The following RANBP2 variants were observed in gnomAD, a reference collection of about 807,000 sequenced individuals.
RANBP2 encodes the protein RAN binding protein 2.
Under a neutral mutation model 303.6 loss-of-function variants are expected in RANBP2, and 57 were observed. That is an observed-to-expected ratio of 0.19 (90% CI 0.15 to 0.23). The LOEUF (loss-of-function observed/expected upper bound fraction) is 0.23, where lower values mean the gene tolerates loss of function less well. RANBP2 is among the 10% of genes least tolerant of loss of function. RANBP2 has a pLI of 1.00. For synonymous variants in RANBP2, 1,167 were observed against 1,301.5 expected (o/e 0.90, Z 2.23); for missense variants, 3,138 against 3,780.8 (o/e 0.83, Z 4.46).
At chr2:109,541,988 T>C in the RANBP2 span, among the ~76,000 whole-genome samples, 1 of 152,200 alleles carries the variant, frequency 6.6e-6, no homozygotes, top group Admixed American at 6.5e-5. Flanking sequence ...TTGTGTTGCT[T>C]TGAAGTTCAA....
At chr2:109,330,590 A>G in the RANBP2 span, among the ~76,000 whole-genome samples, 1 of 152,236 alleles carries the variant, frequency 6.6e-6, no homozygotes, top group Non-Finnish European at 1.5e-5. Context: ...GGGTGGATGG[A>G]TGGATGCATG....
the RANBP2 span, chr2:109,398,901 G>A: frequency 6.2e-7 from 1 of 1,613,594 alleles, no homozygotes; most frequent in Non-Finnish European, 8.5e-7. Context: ...CCGCGGCCAG[G>A]ATTGGAGACC....
chr2:109,270,629 G>C, the RANBP2 span, among the ~76,000 whole-genome samples: 2 of 152,212 alleles, frequency 1.3e-5, no homozygotes, highest in African/African-American at 2.4e-5. Context: ...ATGACCCAGA[G>C]ATACTGGGTG....
At chr2:109,363,867 C>T in the RANBP2 span, among the ~76,000 whole-genome samples, 1 of 152,152 alleles carries the variant, frequency 6.6e-6, no homozygotes, top group Non-Finnish European at 1.5e-5. Flanking sequence ...GTTTTTTCCC[C>T]TCTGACTTCT....
chr2:109,483,756 C>T, the RANBP2 span, among the ~76,000 whole-genome samples: 1 of 152,194 alleles, frequency 6.6e-6, no homozygotes, highest in Non-Finnish European at 1.5e-5. Flanking sequence ...AGTCCTTCGA[C>T]CTGCTGTCTC....
chr2:109,048,195 T>A, the RANBP2 span, among the ~76,000 whole-genome samples: 2 of 152,272 alleles, frequency 1.3e-5, no homozygotes, highest in Non-Finnish European at 2.9e-5. Flanking sequence ...ATTACTTTTG[T>A]CTGTAAATGT....
chr2:109,382,323 C>G, the RANBP2 span, among the ~76,000 whole-genome samples: 4 of 152,188 alleles, frequency 2.6e-5, no homozygotes, highest in Non-Finnish European at 5.9e-5. Context: ...GGGAAAGCTG[C>G]AGGCCCAGCC....
chr2:108,784,238 AT>A lies in RANBP2; in HGVS notation c.*340del, dbSNP rs1279946096. ...ATTTAATTTTAATTCCTTTTAAGAT[AT>A]TTGGACTTCCTGCATGGATATACTT... On this transcript the variant is annotated 3_prime_UTR_variant, in exon 29 of 29. Transcript: ENST00000283195. 4.4e-5 allele frequency: 9 copies of A among 204,546 alleles called. No homozygotes were observed. The highest frequency in any genetic ancestry group is 2.1e-4 in the African/African-American group (9 of 42,766). 12.7% of individuals were successfully genotyped at this position (204,546 alleles called of 1,614,324 possible).
the RANBP2 span, among the ~76,000 whole-genome samples, chr2:109,594,290 G>A: frequency 3.3e-5 from 5 of 152,076 alleles, no homozygotes; most frequent in Non-Finnish European, 5.9e-5. Flanking sequence ...AATTGCAAAT[G>A]GTGTCAATGA....
At chr2:109,019,178 G>T in the RANBP2 span, among the ~76,000 whole-genome samples, 1 of 152,202 alleles carries the variant, frequency 6.6e-6, no homozygotes, top group African/African-American at 2.4e-5. Flanking sequence ...CAACCGACCC[G>T]TGCCTCAGTT....
the RANBP2 span, among the ~76,000 whole-genome samples, chr2:109,538,280 C>T: frequency 6.6e-6 from 1 of 152,202 alleles, no homozygotes; most frequent in African/African-American, 2.4e-5. Context: ...GACCCAACCA[C>T]ACCTAGACAG....
At chr2:109,121,893 G>A in the RANBP2 span, among the ~76,000 whole-genome samples, 1 of 152,114 alleles carries the variant, frequency 6.6e-6, no homozygotes, top group Non-Finnish European at 1.5e-5. Context: ...TTCTCCTCCT[G>A]CTACCTCTGG....
chr2:109,448,172 G>T, the RANBP2 span, among the ~76,000 whole-genome samples: 1 of 152,258 alleles, frequency 6.6e-6, no homozygotes. Flanking sequence ...CTTGCATGCA[G>T]TGGTGCTTAA....
At chr2:109,735,048 C>G in the RANBP2 span, among the ~76,000 whole-genome samples, 1 of 152,096 alleles carries the variant, frequency 6.6e-6, no homozygotes, top group African/African-American at 2.4e-5. Flanking sequence ...TAAAAATATA[C>G]AATAAATTAT....
At chr2:108,749,482 G>A (rs1675676747) in intron 9 of RANBP2, among the ~76,000 whole-genome samples, 2 of 152,050 alleles carry the variant, frequency 1.3e-5, no homozygotes, top group Admixed American at 1.3e-4. Context: ...ATTTTTAGTA[G>A]AGACGGGGTT....
At chr2:109,518,400 G>T in the RANBP2 span, among the ~76,000 whole-genome samples, 1 of 152,142 alleles carries the variant, frequency 6.6e-6, no homozygotes. Flanking sequence ...GGAGAGCAGG[G>T]GTTCAGAGAG....
downstream of RANBP2, chr2:108,788,772 T>C: frequency 1.3e-6 from 2 of 1,547,574 alleles, no homozygotes; most frequent in Non-Finnish European, 1.7e-6. Context: ...AAAATAGTAT[T>C]ATTTAGACTT....
chr2:109,517,616 G>A, the RANBP2 span, among the ~76,000 whole-genome samples: 1 of 152,222 alleles, frequency 6.6e-6, no homozygotes, highest in African/African-American at 2.4e-5. Context: ...CAGCTCAGCA[G>A]GGGTGTGAGC....
the RANBP2 span, among the ~76,000 whole-genome samples, chr2:109,092,731 C>G: frequency 3.9e-5 from 6 of 152,122 alleles, no homozygotes; most frequent in South Asian, 1.0e-3. Context: ...CTCTCTCTGT[C>G]TGTGTAAATG....
Sources: allele counts gnomAD v4.1 joint callset (sites outside exome capture counted in the v4.1 genomes callset), GRCh38; gene constraint gnomAD v4.1.1; transcripts MANE v1.5; gene names NCBI Gene and HGNC (gene_info 2026-07-23, HGNC 2026-07-21).